CFAP46: variants seen among roughly 807,000 people sequenced by gnomAD.
CFAP46 encodes cilia- and flagella-associated protein 46.
CFAP46 carries 245 observed loss-of-function variants against 325.7 expected under a neutral mutation model. The ratio of observed to expected loss-of-function variants is 0.75; its 90% CI spans 0.68 to 0.84. CFAP46 has a LOEUF of 0.84. Ranked by LOEUF, CFAP46 falls within the 40% of genes least tolerant of loss-of-function variation. The pLI is 0.00. For missense variants in CFAP46, 3,346 were observed against 3,543.0 expected (o/e 0.94, Z 1.41); for synonymous variants, 1,523 against 1,495.9 (o/e 1.02, Z -0.42).
intron 24 of CFAP46, among the ~76,000 whole-genome samples, chr10:132,893,150 G>A (rs925358404): frequency 5.3e-5 from 8 of 152,196 alleles, no homozygotes; most frequent in Non-Finnish European, 1.0e-4. Context: ...TAGGAACACC[G>A]TGACTGGTAA....
In CFAP46 at chr10:132,861,568, C is replaced by G. The variant is rs141211403; in HGVS notation, c.4891-586G>C. 9.2e-3 allele frequency among the ~76,000 whole-genome samples: 1,409 copies of G among 152,332 alleles called. 12 individuals are homozygous for G. Among genetic ancestry groups the G allele is most frequent in the South Asian group, 0.043 (210 of 4,830 alleles). On this transcript the variant is annotated intron_variant, in intron 35 of 57. Coordinates refer to ENST00000368586, the MANE Select transcript of CFAP46 (RefSeq NM_001200049.3). ...CTCAGAGCCTCCCAGAGCCAGGCCT[C>G]CCCATCCGGGGGCCTGCAGCCAGGG... is the stretch of plus-strand genomic sequence containing the variant.
At position 132,885,979 on chromosome 10, in the gene CFAP46, GTGTCCTTGGAGC is replaced by G. The variant is rs1849125013; in HGVS notation, c.3305-32_3305-21del. The G allele has an allele frequency of 5.2e-6, 8 of 1,548,200 alleles. No individual in the cohort carries two copies. The highest frequency in any genetic ancestry group is 5.2e-6 in the Non-Finnish European group (6 of 1,145,500). On this transcript the variant is annotated intron_variant, in intron 25 of 57. Coordinates refer to ENST00000368586, the MANE Select transcript of CFAP46 (RefSeq NM_001200049.3). ...CAGCCCCTGGGAGGGAGAAGGAGGG[GTGTCCTTGGAGC>G]CGCCTGATCCCTCATCAAAGGCGCC...
chr10:132,875,519 T>C (rs952093472), intron 31 of CFAP46, among the ~76,000 whole-genome samples: 1 of 152,196 alleles, frequency 6.6e-6, no homozygotes, highest in African/African-American at 2.4e-5. Flanking sequence ...AATGAGATGA[T>C]GATGCCAAGG....
Position 132,879,596 on chromosome 10 carries a change from G to A in CFAP46, c.3835C>T (p.Pro1279Ser). ...ACCGCCTCCTCGGCCTCGGACACGG[G>A]GCTCCGTGGGGGCATCTCCACAGCC... is the stretch of plus-strand genomic sequence containing the variant. ...YVAVEMPPRS[P>S]VSEAEEAVSL... Residue 1279 changes from proline (P) to serine (S), a missense_variant, in exon 29 of 58, where the codon CCC becomes TCC. Transcript: ENST00000368586. 1.3e-6 allele frequency: 2 copies of A among 1,544,500 alleles called. No individual in the cohort carries two copies. The highest frequency in any genetic ancestry group is 8.7e-7 in the Non-Finnish European group (1 of 1,144,820).
intron 50 of CFAP46, among the ~76,000 whole-genome samples, chr10:132,821,509 C>CT (rs1290877539): frequency 9.8e-5 from 9 of 91,942 alleles, no homozygotes; most frequent in East Asian, 3.7e-4. Context: ...GTGCTGTGTG[C>CT]GCTGTGTGCT....
intron 7 of CFAP46, among the ~76,000 whole-genome samples, chr10:132,936,403 CAT>C (rs1261096208): frequency 5.4e-4 from 48 of 89,628 alleles, no homozygotes; most frequent in African/African-American, 1.0e-3. Flanking sequence ...ACTCCCCTCA[CAT>C]CCAAACACAC....
Position 132,821,379 on chromosome 10 carries a change from T to C in CFAP46, c.7118-6465A>G, listed in dbSNP as rs1163048565. Reference sequence around the variant, plus strand: ...TGCTGTGTGTGCTGTGTGCTGTGTGTGCACTGATGTGTGCTGTGTGTGTGC... The same window carrying C: ...TGCTGTGTGTGCTGTGTGCTGTGTGCGCACTGATGTGTGCTGTGTGTGTGC... On this transcript the variant is annotated intron_variant, in intron 50 of 57. Transcript: ENST00000368586. Among the ~76,000 whole-genome samples, 10 of 138,258 alleles carry C rather than the reference T, an allele frequency of 7.2e-5. No individual in the cohort carries two copies. In the South Asian group the frequency reaches 1.9e-3, roughly 26 times the overall value. The allele number at this position is 138,258 out of a possible 152,430, so 90.7% of individuals were successfully genotyped here.
intron 13 of CFAP46, 113 bp from the exon 14 acceptor site, chr10:132,920,295 G>T: frequency 7.7e-7 from 1 of 1,298,632 alleles, no homozygotes; most frequent in Non-Finnish European, 1.0e-6. Flanking sequence ...CACAGGTAGC[G>T]GCTCCAGGGG....
intron 44 of CFAP46, among the ~76,000 whole-genome samples, chr10:132,837,705 A>T (rs1848282739): frequency 6.7e-6 from 1 of 148,452 alleles, no homozygotes; most frequent in African/African-American, 2.5e-5. Flanking sequence ...AGATGCACAC[A>T]CACAGACATG....
chr10:132,849,991 T>A (rs1720903037), intron 41 of CFAP46, among the ~76,000 whole-genome samples: 1 of 151,758 alleles, frequency 6.6e-6, no homozygotes, highest in South Asian at 2.1e-4. Flanking sequence ...GGCTCTGTGC[T>A]GCTGTGGGCC....
At chr10:132,899,338 C>T (rs1849362059) in intron 23 of CFAP46, among the ~76,000 whole-genome samples, 197 bp downstream of exon 23, 1 of 152,320 alleles carries the variant, frequency 6.6e-6, no homozygotes, top group East Asian at 1.9e-4. Flanking sequence ...TGTAGGAGCC[C>T]AGGTGGGTAC....
At chr10:132,853,995 T>C (rs926637418) in intron 39 of CFAP46, among the ~76,000 whole-genome samples, 1 of 152,220 alleles carries the variant, frequency 6.6e-6, no homozygotes, top group African/African-American at 2.4e-5. Flanking sequence ...TTTTTCTGTT[T>C]TCTATTTCAC....
intron 50 of CFAP46, among the ~76,000 whole-genome samples, chr10:132,822,727 G>A (rs1268644199): frequency 7.0e-6 from 1 of 143,064 alleles, no homozygotes; most frequent in African/African-American, 2.6e-5. Flanking sequence ...GCTGATGTGT[G>A]CTGTGTGTGC....
At chr10:132,906,453 GGC>G (rs1849457306) in intron 22 of CFAP46, among the ~76,000 whole-genome samples, 1 of 152,016 alleles carries the variant, frequency 6.6e-6, no homozygotes, top group South Asian at 2.1e-4. Flanking sequence ...ACGGGGTCCT[GGC>G]GCGTGATGCC....
At position 132,886,657 on chromosome 10, in the gene CFAP46, G is replaced by A. The variant is rs1591072466; in HGVS notation, c.3305-698C>T. 2.0e-5 allele frequency among the ~76,000 whole-genome samples: 3 copies of A among 152,146 alleles called. No individual in the cohort carries two copies. Among genetic ancestry groups the A allele is most frequent in the African/African-American group, 7.2e-5 (3 of 41,414 alleles). On this transcript the variant is annotated intron_variant, in intron 25 of 57. Transcript: ENST00000368586. This position sits in a 1 kb window ranked among gnomAD's most constrained non-coding sequence, Gnocchi z 5.8. ...GAAGAGACGGGGTGAACACAGGGCC[G>A]CATCCCTCACACATCCCCAGTGAGC...
chr10:132,911,589 C>CT (rs1849541870), intron 19 of CFAP46, among the ~76,000 whole-genome samples: 1 of 152,246 alleles, frequency 6.6e-6, no homozygotes, highest in Non-Finnish European at 1.5e-5. Flanking sequence ...CTCTCGGGTT[C>CT]TTTGAGGCTC....
intron 50 of CFAP46, among the ~76,000 whole-genome samples, chr10:132,829,534 T>C (rs1848114995): frequency 6.6e-6 from 1 of 152,216 alleles, no homozygotes; most frequent in Non-Finnish European, 1.5e-5. Context: ...TTTTTCTTCC[T>C]GCCTCTCTAC....
intron 50 of CFAP46, among the ~76,000 whole-genome samples, chr10:132,816,017 G>A (rs553597723): frequency 1.3e-5 from 2 of 152,272 alleles, no homozygotes; most frequent in East Asian, 3.9e-4. Context: ...TTTTTTGTGG[G>A]AAGACTCAAA....
At chr10:132,825,775 C>G (rs936255102) in intron 50 of CFAP46, among the ~76,000 whole-genome samples, 1 of 152,142 alleles carries the variant, frequency 6.6e-6, no homozygotes, top group African/African-American at 2.4e-5. Context: ...CCTCAAAGAA[C>G]AAAACCCAGA....
Sources: gnomAD v4.1 joint callset for allele counts (sites outside exome capture counted in the v4.1 genomes callset) on GRCh38, gnomAD v4.1.1 for gene constraint, Gnocchi (gnomAD v3.1) non-coding constraint, MANE v1.5 for transcripts, NCBI Gene and HGNC (gene_info 2026-07-23, HGNC 2026-07-21) for gene names.